The following FBXO46 variants were observed in gnomAD, a reference collection of about 807,000 sequenced individuals.
FBXO46 encodes F-box only protein 46.
FBXO46 carries 13 observed loss-of-function variants against 30.7 expected under a neutral mutation model. The observed-to-expected ratio is 0.42, with a 90% confidence interval of 0.28 to 0.67. FBXO46 has a LOEUF of 0.67. Among genes scored for constraint, FBXO46 ranks in the 30% least tolerant of loss-of-function variants. FBXO46 has a pLI of 0.21. For missense variants in FBXO46, 754 were observed against 871.5 expected, an observed-to-expected ratio of 0.87 and a Z score of 1.70; for synonymous variants, 467 against 385.8, an observed-to-expected ratio of 1.21 and a Z score of -2.47.
Position 45,712,100 on chromosome 19 carries a change from G to A in FBXO46, c.1396C>T (p.Leu466=), listed in dbSNP as rs1270318819. ...AGCATGTACTGTCGCGGCTCCAGCA[G>A]CCGCTGAATCTTGAAGCGGATCTCT... The part of the protein sequence containing the change: ...FLEIRFKIQR[L]LEPRQYMLLL... The change falls in exon 2 of 2, where the codon CTG becomes TTG. Residue 466 remains leucine (L), a synonymous_variant. Transcript: ENST00000317683. This position sits in a 1 kb window ranked among gnomAD's most constrained non-coding sequence, Gnocchi z 8.8. The A allele has an allele frequency of 6.2e-7, 1 of 1,603,316 alleles. No homozygotes were observed. The highest frequency in any genetic ancestry group is 2.3e-5 in the East Asian group (1 of 44,382).
At chr19:45,717,586 T>C (rs1338294397) in intron 1 of FBXO46, among the ~76,000 whole-genome samples, 1 of 151,982 alleles carries the variant, frequency 6.6e-6, no homozygotes, top group East Asian at 1.9e-4. Context: ...ACTCCCAACG[T>C]CCAGCTAAAC....
In FBXO46 at chr19:45,713,292, C is replaced by T. The variant is rs1392679733; in HGVS notation, c.204G>A (p.Gln68=). The T allele has an allele frequency of 6.2e-7, 1 of 1,613,564 alleles. No homozygotes were observed. Among genetic ancestry groups the T allele is most frequent in the Non-Finnish European group, 8.5e-7 (1 of 1,179,694 alleles). The change falls in exon 2 of 2, where the codon CAG becomes CAA. Residue 68 remains glutamine, a synonymous_variant. Transcript: ENST00000317683. The surrounding 1 kb of genome is among the most constrained non-coding windows in gnomAD (Gnocchi z 4.7). ...CTGCTGCTGAGAGGAGCGGAGCCGGCTGGGAGGCAGGGACCTCAGTGGCCA... is the reference window on the plus strand; with the variant it reads ...CTGCTGCTGAGAGGAGCGGAGCCGGTTGGGAGGCAGGGACCTCAGTGGCCA... ...PALATEVPAS[Q]PAPLLSAAAA...
At chr19:45,722,417 A>T (rs1368053222) in intron 1 of FBXO46, among the ~76,000 whole-genome samples, 2 of 152,082 alleles carry the variant, frequency 1.3e-5, no homozygotes, top group African/African-American at 4.8e-5. Context: ...TAATGACAGC[A>T]TCCACCCATG....
chr19:45,725,940 G>C (rs1313775004), intron 1 of FBXO46, among the ~76,000 whole-genome samples: 2 of 152,016 alleles, frequency 1.3e-5, no homozygotes, highest in African/African-American at 4.8e-5. Context: ...GGGGCAATCA[G>C]AGCTCACTGC....
In FBXO46 at chr19:45,713,695, C is replaced by T. The variant is rs993409192; in HGVS notation, c.-78-122G>A. 1.9e-4 allele frequency: 94 copies of T among 494,100 alleles called. No individual in the cohort carries two copies. The highest frequency in any genetic ancestry group is 5.7e-4 in the South Asian group (16 of 28,010). The allele number at this position is 494,100 out of a possible 1,614,324, so 30.6% of individuals were successfully genotyped here. ...CAAGAACTCTATTCCTGGCTGGGCG[C>T]GGTGGCTCACGCCTGTAATCCCAGC... On this transcript the variant is annotated intron_variant, in intron 1 of 1. Coordinates refer to ENST00000317683, the MANE Select transcript of FBXO46 (RefSeq NM_001080469.2). The surrounding 1 kb of genome is among the most constrained non-coding windows in gnomAD (Gnocchi z 4.7).
At chr19:45,717,776 T>TG (rs1568547339) in intron 1 of FBXO46, among the ~76,000 whole-genome samples, 2 of 102,426 alleles carry the variant, frequency 2.0e-5, no homozygotes, top group African/African-American at 8.0e-5. Context: ...GGTTGGGAAC[T>TG]GTGGGGGCGG....
upstream of FBXO46, among the ~76,000 whole-genome samples, chr19:45,732,401 A>G (rs890903236): frequency 4.6e-5 from 7 of 151,616 alleles, no homozygotes; most frequent in Admixed American, 2.0e-4. Context: ...AGGTCGTTAG[A>G]TCATCTCCCC....
At chr19:45,719,913 C>T (rs973580531) in intron 1 of FBXO46, among the ~76,000 whole-genome samples, 4 of 152,164 alleles carry the variant, frequency 2.6e-5, no homozygotes, top group African/African-American at 4.8e-5. Flanking sequence ...TTTTTAATTT[C>T]GTGTTGAAGA....
chr19:45,728,203 G>C (rs545962063), intron 1 of FBXO46, among the ~76,000 whole-genome samples: 9 of 152,212 alleles, frequency 5.9e-5, no homozygotes, highest in Admixed American at 3.3e-4. Context: ...TGGGATTACA[G>C]GCATGAGCCA....
chr19:45,725,325 G>A (rs1169003242), intron 1 of FBXO46, among the ~76,000 whole-genome samples: 1 of 152,056 alleles, frequency 6.6e-6, no homozygotes, highest in Non-Finnish European at 1.5e-5. Context: ...TGAGGTGAGA[G>A]GATGGCGTAA....
chr19:45,723,693 T>C (rs888696196), intron 1 of FBXO46, among the ~76,000 whole-genome samples: 2 of 152,002 alleles, frequency 1.3e-5, no homozygotes, highest in Non-Finnish European at 2.9e-5. Context: ...GCAGTCTCAC[T>C]CTGTCACCCA....
At chr19:45,727,652 C>T (rs761781296) in intron 1 of FBXO46, among the ~76,000 whole-genome samples, 15 of 152,056 alleles carry the variant, frequency 9.9e-5, no homozygotes, top group East Asian at 5.8e-4. Flanking sequence ...TTTGACCCTG[C>T]GCCTCTCTGA....
At chr19:45,718,142 C>T (rs1402556119) in intron 1 of FBXO46, among the ~76,000 whole-genome samples, 1 of 152,182 alleles carries the variant, frequency 6.6e-6, no homozygotes. Context: ...CCCACTCCTC[C>T]GCCCCGCAGG....
rs796384776 is a variant in FBXO46, at chr19:45,711,023, CTTTTT to C, written c.*656_*660del. 246 of 222,946 alleles carry C rather than the reference CTTTTT, an allele frequency of 1.1e-3. 1 individual carries two copies. The highest frequency in any genetic ancestry group is 6.6e-3 in the African/African-American group (231 of 34,964). 13.8% of individuals were successfully genotyped at this position (222,946 alleles called of 1,614,324 possible). A position where few individuals can be genotyped will look rare whatever the true frequency, so the allele number is the denominator to read the frequency against. On this transcript the variant is annotated 3_prime_UTR_variant, in exon 2 of 2. Coordinates refer to ENST00000317683, the MANE Select transcript of FBXO46 (RefSeq NM_001080469.2). ...GAGGAGGAGGGTTTTTATACTTCAGCTTTTTTTTTGTCTGCCCCCCTCTTCCTCTA... is the reference window on the plus strand; with the variant it reads ...GAGGAGGAGGGTTTTTATACTTCAGCTTTTGTCTGCCCCCCTCTTCCTCTA...
At chr19:45,722,981 G>A (rs1463363924) in intron 1 of FBXO46, among the ~76,000 whole-genome samples, 1 of 152,154 alleles carries the variant, frequency 6.6e-6, no homozygotes, top group Non-Finnish European at 1.5e-5. Flanking sequence ...TTGAACCTGG[G>A]AGGTGGAGGT....
chr19:45,730,588 C>T (rs997854534), intron 1 of FBXO46, among the ~76,000 whole-genome samples: 4 of 152,078 alleles, frequency 2.6e-5, no homozygotes, highest in Non-Finnish European at 4.4e-5. Flanking sequence ...AGCCCAGTCT[C>T]CAACTCGGGG....
At chr19:45,732,982 G>C (rs1198941036), upstream of FBXO46, among the ~76,000 whole-genome samples, 1 of 152,084 alleles carries the variant, frequency 6.6e-6, no homozygotes, top group Admixed American at 6.6e-5. Flanking sequence ...CGATTGTACT[G>C]GGAAGACAGT....
intron 1 of FBXO46, chr19:45,717,284 C>G (rs1968107836): frequency 6.6e-6 from 1 of 152,104 alleles, no homozygotes; most frequent in Non-Finnish European, 1.5e-5. Flanking sequence ...CCCCAGGCGG[C>G]GGGAGAAGGC....
chr19:45,714,993 G>T (rs1170458525), intron 1 of FBXO46: 1 of 152,202 alleles, frequency 6.6e-6, no homozygotes, highest in Non-Finnish European at 1.5e-5. Context: ...TCAGAGTGGG[G>T]AAGGGTGACA....
Sources: gnomAD v4.1 joint callset for allele counts (sites outside exome capture counted in the v4.1 genomes callset) on GRCh38, gnomAD v4.1.1 for gene constraint, Gnocchi (gnomAD v3.1) non-coding constraint, MANE v1.5 for transcripts, NCBI Gene and HGNC (gene_info 2026-07-23, HGNC 2026-07-21) for gene names.